Variants in TANC1 observed in about 807,000 individuals in gnomAD.
The protein encoded by TANC1 is tetratricopeptide repeat, ankyrin repeat and coiled-coil containing 1, also known as protein TANC1.
TANC1 carries 77 observed loss-of-function variants against 149.7 expected under a neutral mutation model. That is an observed-to-expected ratio of 0.51 (90% CI 0.43 to 0.62). The LOEUF (loss-of-function observed/expected upper bound fraction) is 0.62. Among genes scored for constraint, TANC1 ranks in the 20% least tolerant of loss-of-function variants. The pLI is 0.00. For synonymous variants in TANC1, 854 were observed against 925.0 expected (o/e 0.92, Z 1.39); for missense variants, 1,985 against 2,321.8 (o/e 0.85, Z 2.98).
chr2:159,085,787 C>T (rs576338528), intron 3 of TANC1, among the ~76,000 whole-genome samples: 50 of 152,320 alleles, frequency 3.3e-4, no homozygotes, highest in African/African-American at 9.9e-4. Context: ...GATCCACCCC[C>T]GTGACCCAAC....
Position 159,150,399 on chromosome 2 carries a change from T to G in TANC1, c.525T>G (p.Pro175=). The G allele has an allele frequency of 1.2e-6, 2 of 1,614,166 alleles. No homozygotes were observed. The highest frequency in any genetic ancestry group is 2.7e-5 in the African/African-American group (2 of 75,036). ...CAGCTCTGAGTCAAGGCATCAGTCC[T>G]TGCTCCACACTAACAAGCAGCACCG... is the stretch of plus-strand genomic sequence containing the variant. ...MCTALSQGIS[P]CSTLTSSTAS... is the part of the protein sequence containing the mutation. Residue 175 remains proline (P), a synonymous_variant, in exon 7 of 27, where the codon CCT becomes CCG. Coordinates refer to ENST00000263635, the MANE Select transcript of TANC1 (RefSeq NM_033394.3).
chr2:159,101,009 C>T (rs528152366), intron 4 of TANC1, among the ~76,000 whole-genome samples: 191 of 152,190 alleles, frequency 1.3e-3, no homozygotes, highest in African/African-American at 4.5e-3. Flanking sequence ...GGTATGGAGC[C>T]ACTCCCCTCC....
chr2:159,006,261 A>T (rs13403121), intron 2 of TANC1, among the ~76,000 whole-genome samples: 31,664 of 146,004 alleles, frequency 0.22, 3,716 homozygotes, highest in South Asian at 0.45. Context: ...GTGCTGCTGC[A>T]CTCCAGCCTG....
At chr2:159,199,624 C>T (rs1290061227) in intron 19 of TANC1, among the ~76,000 whole-genome samples, 1 of 152,232 alleles carries the variant, frequency 6.6e-6, no homozygotes, top group African/African-American at 2.4e-5. Context: ...GAGCTGGTTA[C>T]TTGTGAGACT....
chr2:159,097,842 G>A lies in TANC1; in HGVS notation c.259+8G>A. 1 of 1,608,790 alleles carries A rather than the reference G, an allele frequency of 6.2e-7. No homozygotes were observed. The highest frequency in any genetic ancestry group is 2.2e-5 in the East Asian group (1 of 44,720). On this transcript the variant is annotated splice_region_variant and intron_variant, in intron 4 of 26. Coordinates refer to ENST00000263635, the MANE Select transcript of TANC1 (RefSeq NM_033394.3). ...TGAACAAAAAATCCCCAGGTAAACA[G>A]GCAATGAAGGAGCTGCCTTGGTTAT... is the stretch of plus-strand genomic sequence containing the variant.
chr2:159,073,918 T>C (rs1393256252), intron 3 of TANC1, among the ~76,000 whole-genome samples: 1 of 152,240 alleles, frequency 6.6e-6, no homozygotes, highest in Non-Finnish European at 1.5e-5. Flanking sequence ...ATTTCGTGGC[T>C]GGTGATCCAA....
intron 23 of TANC1, chr2:159,225,051 ATCCCTACCACAGCCCTGAAAGTC>A (rs2059932846): frequency 6.3e-6 from 1 of 159,740 alleles, no homozygotes; most frequent in African/African-American, 2.4e-5. Context: ...CTCTGCCTTA[ATCCCTACCACAGCCCTGAAAGTC>A]TCAGTGACAA....
At chr2:159,030,858 T>C (rs1490796477) in intron 2 of TANC1, among the ~76,000 whole-genome samples, 2 of 152,038 alleles carry the variant, frequency 1.3e-5, no homozygotes, top group Non-Finnish European at 2.9e-5. Context: ...ATCTCAGAGT[T>C]GGGGGCAGCA....
At chr2:159,102,644 A>C (rs1470527062) in intron 4 of TANC1, among the ~76,000 whole-genome samples, 1 of 108,610 alleles carries the variant, frequency 9.2e-6, no homozygotes, top group Non-Finnish European at 1.9e-5. Context: ...GAAGAGTTTG[A>C]TATTTGTTGT....
intron 4 of TANC1, among the ~76,000 whole-genome samples, chr2:159,125,585 C>CCCTT (rs1553563205): frequency 4.4e-5 from 6 of 137,766 alleles, no homozygotes; most frequent in African/African-American, 1.1e-4. Context: ...CTCCCTCCCT[C>CCCTT]CCTTCCTTCC....
At chr2:159,113,154 A>G (rs982286609) in intron 4 of TANC1, among the ~76,000 whole-genome samples, 2 of 151,680 alleles carry the variant, frequency 1.3e-5, no homozygotes, top group African/African-American at 4.8e-5. Context: ...TGTTGCCTTC[A>G]GCCATATTGC....
intron 19 of TANC1, among the ~76,000 whole-genome samples, chr2:159,201,698 G>T (rs1303604406): frequency 6.6e-6 from 1 of 152,204 alleles, no homozygotes; most frequent in Non-Finnish European, 1.5e-5. Flanking sequence ...ACTTATCTGG[G>T]ATATGGGAAG....
intron 13 of TANC1, 104 bp downstream of exon 13, chr2:159,176,622 G>A: frequency 1.1e-6 from 1 of 917,534 alleles, no homozygotes; most frequent in African/African-American, 1.8e-5. Flanking sequence ...TGCTTGAATT[G>A]GAAACTATGT....
chr2:159,185,404 G>C (rs1428108014), intron 14 of TANC1, among the ~76,000 whole-genome samples: 3 of 152,226 alleles, frequency 2.0e-5, no homozygotes, highest in African/African-American at 7.2e-5. Flanking sequence ...GGACTTGTGT[G>C]CCATCCAAGC....
At chr2:159,019,666 T>G (rs1175054616) in intron 2 of TANC1, among the ~76,000 whole-genome samples, 2 of 61,106 alleles carry the variant, frequency 3.3e-5, no homozygotes, top group Admixed American at 2.0e-4. Context: ...TTTTTTTTTT[T>G]TTTTTTTTTT....
chr2:159,212,330 T>TAG (rs2059042836), intron 19 of TANC1, among the ~76,000 whole-genome samples: 1 of 152,140 alleles, frequency 6.6e-6, no homozygotes, highest in Non-Finnish European at 1.5e-5. Flanking sequence ...GTTCCTTGCC[T>TAG]AGAGGAAAAT....
intron 14 of TANC1, among the ~76,000 whole-genome samples, chr2:159,179,451 C>T (rs1488752132): frequency 2.0e-5 from 3 of 151,908 alleles, no homozygotes; most frequent in African/African-American, 7.3e-5. Context: ...TGTCCATTGT[C>T]TCATGGAGCC....
rs1553616294 is a variant in TANC1, at chr2:159,219,977, A to AGAGAGT, written c.3678+111_3678+112insAGAGTG. The AGAGAGT allele has an allele frequency of 8.9e-6, 5 of 560,596 alleles. No individual in the cohort carries two copies. In the African/African-American group the frequency reaches 1.0e-4, roughly 12 times the overall value. The allele number at this position is 560,596 out of a possible 1,614,324, so 34.7% of individuals were successfully genotyped here. ...AGGTTGTGTCTCAGTGTCATCAGAG[A>AGAGAGT]GTGTGTGTGTGTGTGTGTGTGTGTG... On this transcript the variant is annotated intron_variant, in intron 22 of 26. Coordinates refer to ENST00000263635, the MANE Select transcript of TANC1 (RefSeq NM_033394.3).
chr2:159,020,919 C>A (rs1427849187), intron 2 of TANC1, among the ~76,000 whole-genome samples: 1 of 151,426 alleles, frequency 6.6e-6, no homozygotes. Flanking sequence ...TTTTAGATAC[C>A]GTGGTGCTTC....
Sources: gnomAD v4.1 joint callset for allele counts (sites outside exome capture counted in the v4.1 genomes callset) on GRCh38, gnomAD v4.1.1 for gene constraint, MANE v1.5 for transcripts, NCBI Gene and HGNC (gene_info 2026-07-23, HGNC 2026-07-21) for gene names.